NIBAN1: variants seen among roughly 807,000 people sequenced by gnomAD.
NIBAN1 encodes the protein niban apoptosis regulator 1, also known as protein Niban 1.
NIBAN1 carries 81 observed loss-of-function variants against 75.1 expected under a neutral mutation model. That is an observed-to-expected ratio of 1.08 (90% CI 0.90 to 1.30). The LOEUF (loss-of-function observed/expected upper bound fraction) is 1.30. Among genes scored for constraint, NIBAN1 ranks in the 50% most tolerant of loss-of-function variants. NIBAN1 has a pLI of 0.00. For missense variants in NIBAN1, 1,133 were observed against 1,128.1 expected (o/e 1.00, Z -0.06); for synonymous variants, 436 against 424.8 (o/e 1.03, Z -0.32).
chr1:184,902,442 C>T (rs930578033), intron 1 of NIBAN1, among the ~76,000 whole-genome samples: 1 of 152,032 alleles, frequency 6.6e-6, no homozygotes, highest in Admixed American at 6.6e-5. Flanking sequence ...AAGTGCTCAG[C>T]ATGATAGCTG....
At chr1:184,804,177 G>A (rs191601597) in intron 11 of NIBAN1, among the ~76,000 whole-genome samples, 47 of 152,318 alleles carry the variant, frequency 3.1e-4, no homozygotes, top group African/African-American at 1.0e-3. Flanking sequence ...GAAAGATGAC[G>A]ATTCTGTCTG....
chr1:184,955,434 G>T (rs1023405273), intron 1 of NIBAN1, among the ~76,000 whole-genome samples: 11 of 151,270 alleles, frequency 7.3e-5, no homozygotes, highest in Admixed American at 1.3e-4. Flanking sequence ...TGTCTCCCAG[G>T]ATCAAGCCAT....
intron 3 of NIBAN1, among the ~76,000 whole-genome samples, chr1:184,890,757 T>C (rs1372425957): frequency 1.3e-5 from 2 of 152,172 alleles, no homozygotes; most frequent in African/African-American, 2.4e-5. Flanking sequence ...TGTGAAACTG[T>C]TTTGCAGCAA....
At chr1:184,841,271 A>C (rs1040620316) in intron 5 of NIBAN1, among the ~76,000 whole-genome samples, 5 of 152,154 alleles carry the variant, frequency 3.3e-5, no homozygotes, top group Non-Finnish European at 5.9e-5. Context: ...AAGAAAAAAA[A>C]CCCCAAACCC....
At chr1:184,836,568 T>C (rs1173601298) in intron 5 of NIBAN1, among the ~76,000 whole-genome samples, 1 of 152,128 alleles carries the variant, frequency 6.6e-6, no homozygotes, top group Non-Finnish European at 1.5e-5. Flanking sequence ...AGAAATGGGA[T>C]TTGGAGATGT....
intron 5 of NIBAN1, among the ~76,000 whole-genome samples, chr1:184,841,591 TAC>T (rs1655288832): frequency 6.6e-6 from 1 of 152,236 alleles, no homozygotes; most frequent in Non-Finnish European, 1.5e-5. Context: ...TCTTTATCTA[TAC>T]GAAGATCTTC....
intron 5 of NIBAN1, among the ~76,000 whole-genome samples, chr1:184,877,526 T>C (rs1656264335): frequency 6.6e-6 from 1 of 152,296 alleles, no homozygotes; most frequent in Non-Finnish European, 1.5e-5. Flanking sequence ...GCTCCAAGCA[T>C]GATTCCCTCC....
chr1:184,869,449 G>A (rs1020810955), intron 5 of NIBAN1, among the ~76,000 whole-genome samples: 1 of 152,130 alleles, frequency 6.6e-6, no homozygotes, highest in Non-Finnish European at 1.5e-5. Context: ...GAAGAGTCTA[G>A]TTGTGGTCCT....
intron 1 of NIBAN1, among the ~76,000 whole-genome samples, chr1:184,899,575 C>T (rs1203322756): frequency 3.3e-5 from 5 of 152,038 alleles, no homozygotes; most frequent in African/African-American, 1.2e-4. Context: ...ACTAAATTGA[C>T]CCTAAGGACT....
At chr1:184,820,337 G>A (rs769789346) in intron 8 of NIBAN1, among the ~76,000 whole-genome samples, 2 of 152,138 alleles carry the variant, frequency 1.3e-5, no homozygotes, top group Non-Finnish European at 1.5e-5. Context: ...CCGTGGGAGG[G>A]TATATTCCTC....
chr1:184,852,343 G>T (rs945277527), intron 5 of NIBAN1, among the ~76,000 whole-genome samples: 35 of 152,254 alleles, frequency 2.3e-4, no homozygotes, highest in African/African-American at 8.2e-4. Context: ...AACTGGGCAT[G>T]GTCAGGGGAC....
intron 1 of NIBAN1, among the ~76,000 whole-genome samples, chr1:184,954,994 T>C (rs913143100): frequency 6.6e-6 from 1 of 152,206 alleles, no homozygotes; most frequent in Non-Finnish European, 1.5e-5. Flanking sequence ...TGTTATTTGG[T>C]CTTCCAGTAG....
At chr1:184,832,699 G>A (rs189043153) in intron 5 of NIBAN1, among the ~76,000 whole-genome samples, 10 of 152,264 alleles carry the variant, frequency 6.6e-5, no homozygotes, top group African/African-American at 1.9e-4. Context: ...TAGTTTTACG[G>A]GTTTGCCCTT....
intron 1 of NIBAN1, among the ~76,000 whole-genome samples, chr1:184,933,635 G>A (rs1657881672): frequency 6.6e-6 from 1 of 152,176 alleles, no homozygotes; most frequent in Admixed American, 6.5e-5. Context: ...TGCCTTGTTA[G>A]GAAATGAAAT....
At chr1:184,853,287 C>A (rs970560188) in intron 5 of NIBAN1, among the ~76,000 whole-genome samples, 1 of 152,122 alleles carries the variant, frequency 6.6e-6, no homozygotes, top group Non-Finnish European at 1.5e-5. Context: ...CTATCTCAAC[C>A]AGAAATTTTT....
intron 2 of NIBAN1, among the ~76,000 whole-genome samples, chr1:184,896,530 T>G (rs145883739): frequency 2.3e-4 from 35 of 152,234 alleles, no homozygotes; most frequent in African/African-American, 8.4e-4. Flanking sequence ...TTTTTGTGTA[T>G]AGGCTTTTTA....
intron 1 of NIBAN1, among the ~76,000 whole-genome samples, chr1:184,929,143 T>C (rs535211265): frequency 1.3e-5 from 2 of 152,242 alleles, no homozygotes; most frequent in African/African-American, 2.4e-5. Flanking sequence ...TAGTGTCATA[T>C]TGCGTGTCCA....
chr1:184,839,520 G>C (rs988020077), intron 5 of NIBAN1, among the ~76,000 whole-genome samples: 35 of 151,152 alleles, frequency 2.3e-4, no homozygotes, highest in African/African-American at 7.6e-4. Flanking sequence ...TTTTTATTCA[G>C]ATTTCACCAG....
chr1:184,805,851 G>T, intron 11 of NIBAN1, 95 bp downstream of exon 11: 1 of 928,790 alleles, frequency 1.1e-6, no homozygotes, highest in Non-Finnish European at 1.7e-6. Flanking sequence ...GGAAAGATTA[G>T]AGCCAAGGAG....
Sources: gnomAD v4.1 joint callset for allele counts (sites outside exome capture counted in the v4.1 genomes callset) on GRCh38, gnomAD v4.1.1 for gene constraint, MANE v1.5 for transcripts, NCBI Gene and HGNC (gene_info 2026-07-23, HGNC 2026-07-21) for gene names.